The following KCNN1 variants were observed in gnomAD, a reference collection of about 807,000 sequenced individuals.
KCNN1 encodes potassium calcium-activated channel subfamily N member 1.
In KCNN1, 20 loss-of-function variants were observed where a neutral mutation model predicts 44.7. The ratio of observed to expected loss-of-function variants is 0.45; its 90% CI spans 0.32 to 0.65. KCNN1 has a LOEUF of 0.65. KCNN1 is among the 30% of genes least tolerant of loss of function. KCNN1 has a pLI of 0.05. For synonymous variants in KCNN1, 324 were observed against 341.7 expected, an observed-to-expected ratio of 0.95 and a Z score of 0.57; for missense variants, 632 against 785.3, an observed-to-expected ratio of 0.80 and a Z score of 2.33.
intron 2 of KCNN1, among the ~76,000 whole-genome samples, chr19:17,955,244 C>T: frequency 6.6e-6 from 1 of 150,764 alleles, no homozygotes; most frequent in Admixed American, 6.6e-5. Context: ...AGCGAGACCC[C>T]CATCTCTTTA....
intron 3 of KCNN1, among the ~76,000 whole-genome samples, chr19:17,976,604 G>A (rs1225180506): frequency 6.6e-6 from 1 of 151,936 alleles, no homozygotes; most frequent in African/African-American, 2.4e-5. Flanking sequence ...TTTTAGTAGA[G>A]ACGGGGTTTC....
chr19:17,970,721 C>T (rs753562743), intron 1 of KCNN1, among the ~76,000 whole-genome samples: 11 of 151,838 alleles, frequency 7.2e-5, no homozygotes, highest in Admixed American at 1.3e-4. Flanking sequence ...CTACCGCGCC[C>T]GGCCACAAAG....
intron 3 of KCNN1, 108 bp from the exon 4 acceptor site, chr19:17,981,601 T>G: frequency 2.5e-5 from 20 of 798,156 alleles, no homozygotes; most frequent in South Asian, 7.0e-5. Context: ...TCCGAGCCTG[T>G]GGGGTTTCAG....
At chr19:17,955,037 C>CAA (rs34300645) in intron 2 of KCNN1, among the ~76,000 whole-genome samples, 52 of 96,644 alleles carry the variant, frequency 5.4e-4, no homozygotes, top group South Asian at 6.8e-4. Flanking sequence ...AGCTCTGTTT[C>CAA]AAAAAAAAAA....
rs202015321 is a variant in KCNN1 at position 17,998,384 on chromosome 19, T to C, written c.1610T>C (p.Val537Ala). 1.1e-3 allele frequency: 1,636 copies of C among 1,490,902 alleles called. 18 individuals carry two copies. In the African/African-American group the frequency reaches 0.02, roughly 18 times the overall value. 92.4% of individuals were successfully genotyped at this position (1,490,902 alleles called of 1,614,324 possible). The part of the protein sequence containing the change: ...ARSSPCRWTP[V>A]APSDCG ...AGCTCCCCCTGCCGGTGGACGCCCG[T>C]GGCCCCCTCGGACTGCGGGTGACGG... The change falls in exon 10 of 10, where the codon GTG becomes GCG. Residue 537 changes from valine to alanine, a missense_variant. Val to Ala is a moderately conservative substitution (Grantham distance 64). This residue lies in a region of KCNN1 where 237 missense variants were observed against 253.0 expected (regional missense o/e 0.94). Transcript: ENST00000684775. This position sits in a 1 kb window ranked among gnomAD's most constrained non-coding sequence, Gnocchi z 5.4.
chr19:17,997,316 C>T (rs2033032925), intron 9 of KCNN1, among the ~76,000 whole-genome samples: 1 of 152,162 alleles, frequency 6.6e-6, no homozygotes, highest in African/African-American at 2.4e-5. Context: ...CCCCACGCTC[C>T]TGCTGTTCCC....
At chr19:17,980,991 T>C (rs1020932044) in intron 3 of KCNN1, among the ~76,000 whole-genome samples, 2 of 150,794 alleles carry the variant, frequency 1.3e-5, no homozygotes, top group African/African-American at 4.9e-5. Flanking sequence ...CCGAGGCATG[T>C]GGATCACTTG....
rs878971829 is a variant in KCNN1 at position 17,982,125 on chromosome 19, G to A, written c.915G>A (p.Glu305=). 3.9e-6 allele frequency: 6 copies of A among 1,547,038 alleles called. No individual in the cohort carries two copies. The South Asian group carries it at 7.2e-5, about 19-fold the overall frequency. Residue 305 remains glutamate, a splice_region_variant and synonymous_variant, in exon 4 of 10, where the codon GAG becomes GAA. Transcript: ENST00000684775. The part of the protein sequence containing the change: ...IIAAWTVRVC[E]RYHDKQEVTS... Reference sequence around the variant, plus strand: ...CAGCCTGGACCGTGCGCGTCTGCGAGAGGTGCGACCGCCGCCCCTGGAGCC... The same window carrying A: ...CAGCCTGGACCGTGCGCGTCTGCGAAAGGTGCGACCGCCGCCCCTGGAGCC...
rs1463067953 is a variant in KCNN1, at chr19:17,993,246, T to G, written c.1307+184T>G. On this transcript the variant is annotated intron_variant, in intron 8 of 9. Coordinates refer to ENST00000684775, the MANE Select transcript of KCNN1 (RefSeq NM_001386974.1). This position sits in a 1 kb window ranked among gnomAD's most constrained non-coding sequence, Gnocchi z 4.5. ...TCCAACTTCCTGGGGCAGTCCTGAG[T>G]TGGGCCGGAGACAGGACCAGCCAAT... Among the ~76,000 whole-genome samples, 2 of 152,054 alleles carry G rather than the reference T, an allele frequency of 1.3e-5. No individual in the cohort carries two copies. Among genetic ancestry groups the G allele is most frequent in the Non-Finnish European group, 2.9e-5 (2 of 68,006 alleles).
In KCNN1 at chr19:17,981,727, G is replaced by C; in HGVS notation, c.517G>C (p.Gly173Arg). The C allele has an allele frequency of 1.3e-6, 2 of 1,589,280 alleles. No individual in the cohort carries two copies. The highest frequency in any genetic ancestry group is 1.3e-5 in the African/African-American group (1 of 74,704). The change falls in exon 4 of 10, where the codon GGG (glycine) becomes CGG (arginine). Residue 173 changes from glycine (G) to arginine (R), a missense_variant. Coordinates refer to ENST00000684775, the MANE Select transcript of KCNN1 (RefSeq NM_001386974.1). ...REIQLFMVDN[G>R]ADDWRIAMTC... ...TCCACAGCTGTTCATGGTGGACAACGGGGCTGATGACTGGCGCATCGCCAT... is the reference window on the plus strand; with the variant it reads ...TCCACAGCTGTTCATGGTGGACAACCGGGCTGATGACTGGCGCATCGCCAT...
intron 1 of KCNN1, among the ~76,000 whole-genome samples, chr19:17,969,754 C>T (rs577190317): frequency 2.0e-5 from 3 of 152,376 alleles, no homozygotes; most frequent in African/African-American, 4.8e-5. Context: ...CCAGGCCACC[C>T]GCTTCTCATC....
At chr19:17,977,738 T>C (rs1282613857) in intron 3 of KCNN1, among the ~76,000 whole-genome samples, 2 of 152,080 alleles carry the variant, frequency 1.3e-5, no homozygotes, top group African/African-American at 2.4e-5. Flanking sequence ...CTTATCTCCA[T>C]ATAAGAGCAC....
rs1366381810 is a variant in KCNN1 at position 17,998,263 on chromosome 19, C to T, written c.1489C>T (p.Gln497Ter). The T allele has an allele frequency of 1.9e-6, 3 of 1,561,598 alleles. 1 individual carries two copies. Among genetic ancestry groups the T allele is most frequent in the Non-Finnish European group, 2.6e-6 (3 of 1,156,680 alleles). The change falls in exon 10 of 10, where the codon CAG (glutamine) becomes TAG (stop). Residue 497 changes from glutamine (Q) to a stop codon, truncating the protein, a stop_gained. Coordinates refer to ENST00000684775, the MANE Select transcript of KCNN1 (RefSeq NM_001386974.1). LOFTEE classifies it low-confidence loss of function (END_TRUNC). This position sits in a 1 kb window ranked among gnomAD's most constrained non-coding sequence, Gnocchi z 5.4. ...SRLDALGASLQALPGLIAQAI... is the reference protein window; with the variant it reads ...SRLDALGASL The stretch of plus-strand genomic sequence containing the variant: ...CTTGGATGCGCTGGGTGCCTCTCTA[C>T]AGGCCCTGCCTGGCCTCATCGCCCA...
At chr19:17,964,234 G>C (rs1409407203), upstream of KCNN1, among the ~76,000 whole-genome samples, 3 of 152,252 alleles carry the variant, frequency 2.0e-5, no homozygotes, top group African/African-American at 7.2e-5. The surrounding 1 kb of genome is among the most constrained non-coding windows in gnomAD (Gnocchi z 4.3). Flanking sequence ...CATCCGGGCA[G>C]TCCGGGCTGG....
In KCNN1 at chr19:17,998,237, G is replaced by C; in HGVS notation, c.1463G>C (p.Arg488Pro). ...LEARLATLES[R>P]LDALGASLQA... ...GCCCGCCTGGCCACCCTGGAAAGCC[G>C]CTTGGATGCGCTGGGTGCCTCTCTA... Residue 488 changes from arginine to proline, a missense_variant, in exon 10 of 10, where the codon CGC becomes CCC. Coordinates refer to ENST00000684775, the MANE Select transcript of KCNN1 (RefSeq NM_001386974.1). The surrounding 1 kb of genome is among the most constrained non-coding windows in gnomAD (Gnocchi z 5.4). 1 of 1,573,560 alleles carries C rather than the reference G, an allele frequency of 6.4e-7. No homozygotes were observed. Among genetic ancestry groups the C allele is most frequent in the Non-Finnish European group, 8.6e-7 (1 of 1,161,930 alleles).
At chr19:17,968,713 A>G (rs1186110113) in intron 1 of KCNN1, among the ~76,000 whole-genome samples, 1 of 151,854 alleles carries the variant, frequency 6.6e-6, no homozygotes, top group Non-Finnish European at 1.5e-5. Flanking sequence ...GTTCCCCCAG[A>G]AGTGTGTGTC....
chr19:17,954,546 G>C (rs1027357229), intron 1 of KCNN1: 5 of 152,730 alleles, frequency 3.3e-5, no homozygotes, highest in Admixed American at 6.5e-5. Context: ...CGCACCCCCT[G>C]TCTGATCATT....
At chr19:17,967,906 C>T (rs1216851304) in intron 1 of KCNN1, among the ~76,000 whole-genome samples, 2 of 151,946 alleles carry the variant, frequency 1.3e-5, no homozygotes, top group Non-Finnish European at 2.9e-5. Context: ...GGAGAGCAGG[C>T]TAATTGCACC....
At position 17,993,534 on chromosome 19, in the gene KCNN1, C is replaced by T. The variant is rs1285114855; in HGVS notation, c.1352C>T (p.Ala451Val). ...GAGCAAGGGAAGCTGAACGACCAGG[C>T]TAACACGCTTACCGACCTAGCCAAG... is the stretch of plus-strand genomic sequence containing the variant. ...KIEQGKLNDQ[A>V]NTLTDLAKTQ... Residue 451 changes from alanine (A) to valine (V), a missense_variant, in exon 9 of 10, where the codon GCT becomes GTT. Coordinates refer to ENST00000684775, the MANE Select transcript of KCNN1 (RefSeq NM_001386974.1). The surrounding 1 kb of genome is among the most constrained non-coding windows in gnomAD (Gnocchi z 4.5). The T allele has an allele frequency of 2.5e-6, 4 of 1,613,818 alleles. No homozygotes were observed. The highest frequency in any genetic ancestry group is 2.5e-6 in the Non-Finnish European group (3 of 1,179,826).
Sources: allele counts gnomAD v4.1 joint callset (sites outside exome capture counted in the v4.1 genomes callset), GRCh38; gene constraint gnomAD v4.1.1; regional missense constraint gnomAD v4.1.1; non-coding constraint Gnocchi (gnomAD v3.1); transcripts MANE v1.5; gene names NCBI Gene and HGNC (gene_info 2026-07-23, HGNC 2026-07-21).